The following EP400 variants were observed in gnomAD, a reference collection of about 807,000 sequenced individuals.
EP400 encodes E1A-binding protein p400.
EP400 carries 105 observed loss-of-function variants against 354.1 expected under a neutral mutation model. The ratio of observed to expected loss-of-function variants is 0.30; its 90% CI spans 0.25 to 0.35. The LOEUF (loss-of-function observed/expected upper bound fraction) is 0.35. Among genes scored for constraint, EP400 ranks in the 10% least tolerant of loss-of-function variants. The probability of loss-of-function intolerance (pLI) is 1.00; values close to 1 mark genes in which losing one functional copy is unlikely to be tolerated. For synonymous variants in EP400, 1,646 were observed against 1,716.9 expected (o/e 0.96, Z 1.02); for missense variants, 3,280 against 4,121.0 (o/e 0.80, Z 5.59).
intron 2 of EP400, among the ~76,000 whole-genome samples, chr12:131,968,775 C>T (rs1892187541): frequency 6.6e-6 from 1 of 151,966 alleles, no homozygotes; most frequent in Non-Finnish European, 1.5e-5. Flanking sequence ...TTCAGCATAC[C>T]ATATATTTTC....
At chr12:131,977,593 GCA>G (rs150147897) in intron 2 of EP400, among the ~76,000 whole-genome samples, 1 of 151,450 alleles carries the variant, frequency 6.6e-6, no homozygotes, top group Non-Finnish European at 1.5e-5. Flanking sequence ...ATTTAGAAAC[GCA>G]CACACACACA....
At chr12:131,989,357 C>T (rs555769788) in intron 7 of EP400, among the ~76,000 whole-genome samples, 3 of 152,174 alleles carry the variant, frequency 2.0e-5, no homozygotes, top group Non-Finnish European at 4.4e-5. Context: ...CGTTGGAGGC[C>T]GAGTGGGAAC....
Position 131,994,841 on chromosome 12 carries a change from G to C in EP400, c.2738-26G>C, listed in dbSNP as rs765087060. The C allele has an allele frequency of 1.2e-6, 2 of 1,608,664 alleles. No homozygotes were observed. The highest frequency in any genetic ancestry group is 1.1e-5 in the South Asian group (1 of 90,828). ...GACACTCAAGTGGTGTTGCCTCTCA[G>C]TGACACTTGCTGATAACCATTTTAG... is the stretch of plus-strand genomic sequence containing the variant. On this transcript the variant is annotated intron_variant, in intron 11 of 52. Transcript: ENST00000389561. The surrounding 1 kb of genome is among the most constrained non-coding windows in gnomAD (Gnocchi z 4.6).
intron 47 of EP400, 90 bp from the exon 48 acceptor site, chr12:132,064,578 G>T: frequency 6.6e-7 from 1 of 1,506,176 alleles, no homozygotes. Context: ...TATTTAATGG[G>T]CAGTAGAGGG....
At chr12:131,999,740 C>G (rs1362662139) in intron 12 of EP400, among the ~76,000 whole-genome samples, 1 of 152,160 alleles carries the variant, frequency 6.6e-6, no homozygotes, top group Non-Finnish European at 1.5e-5. Context: ...GCCTGGCCCT[C>G]ATACATTAAA....
chr12:131,965,442 CAGT>C (rs2136470831), intron 2 of EP400, among the ~76,000 whole-genome samples: 1 of 152,296 alleles, frequency 6.6e-6, no homozygotes, highest in East Asian at 1.9e-4. Context: ...TTATTAGAAT[CAGT>C]AGGCTGTAAT....
At position 132,073,459 on chromosome 12, in the gene EP400, C is replaced by CTTTTTTTTT. The variant is rs58724167; in HGVS notation, c.9022-3051_9022-3043dup. 1.9e-3 allele frequency among the ~76,000 whole-genome samples: 219 copies of CTTTTTTTTT among 117,668 alleles called. 15 individuals are homozygous for CTTTTTTTTT. The highest frequency in any genetic ancestry group is 5.3e-3 in the African/African-American group (121 of 22,630). 77.2% of individuals were successfully genotyped at this position (117,668 alleles called of 152,430 possible). A position where few individuals can be genotyped will look rare whatever the true frequency, so the allele number is the denominator to read the frequency against. On this transcript the variant is annotated intron_variant, in intron 51 of 52. Coordinates refer to ENST00000389561, the MANE Select transcript of EP400 (RefSeq NM_015409.5). ...GTGCGTTTTAATTCTGTCCCTTTTC[C>CTTTTTTTTT]TTTTTTTTTTTTTTGACACAGTCTT... is the stretch of plus-strand genomic sequence containing the variant.
chr12:132,066,917 C>T lies in EP400; in HGVS notation c.8697C>T (p.Pro2899=). The T allele has an allele frequency of 6.2e-7, 1 of 1,611,088 alleles. No individual in the cohort carries two copies. Among genetic ancestry groups the T allele is most frequent in the Non-Finnish European group, 8.5e-7 (1 of 1,178,862 alleles). The change falls in exon 49 of 53, where the codon CCC becomes CCT. Residue 2899 remains proline (P), a synonymous_variant. Transcript: ENST00000389561. ...VVSSPGVTTL[P]MNVAGISVAI... is the part of the protein sequence containing the mutation. Reference sequence around the variant, plus strand: ...CCTCACCGGGAGTCACCACCCTGCCCATGAACGTCGCGGGGATCAGCGTGG... The same window carrying T: ...CCTCACCGGGAGTCACCACCCTGCCTATGAACGTCGCGGGGATCAGCGTGG...
In EP400 at chr12:132,059,129, C is replaced by T. The variant is rs572554330; in HGVS notation, c.7885-2981C>T. On this transcript the variant is annotated intron_variant, in intron 45 of 52. Transcript: ENST00000389561. ...GAAACTCAGAGAAAGAAATAGGATT[C>T]ACTGAAGTCATGTTTGCCTTGAAAA... 4.6e-5 allele frequency among the ~76,000 whole-genome samples: 7 copies of T among 152,284 alleles called. No homozygotes were observed. In the East Asian group the frequency reaches 1.3e-3, roughly 29 times the overall value.
At chr12:132,034,014 C>T (rs1218969335) in intron 30 of EP400, among the ~76,000 whole-genome samples, 2 of 152,254 alleles carry the variant, frequency 1.3e-5, no homozygotes, top group African/African-American at 4.8e-5. Flanking sequence ...AGTTGCACAT[C>T]TTCCCAGACA....
chr12:131,974,099 C>T (rs1705606989), intron 2 of EP400, among the ~76,000 whole-genome samples: 1 of 151,892 alleles, frequency 6.6e-6, no homozygotes, highest in African/African-American at 2.4e-5. Context: ...CCACCTCAGC[C>T]TCCCGAGTAG....
chr12:131,988,872 C>T (rs1424873476), intron 7 of EP400, among the ~76,000 whole-genome samples: 1 of 152,180 alleles, frequency 6.6e-6, no homozygotes, highest in East Asian at 1.9e-4. Flanking sequence ...ACTCCGTACC[C>T]AGAATTTTCC....
At chr12:131,963,022 A>G (rs1051955409) in intron 2 of EP400, among the ~76,000 whole-genome samples, 2 of 152,186 alleles carry the variant, frequency 1.3e-5, no homozygotes, top group Admixed American at 6.5e-5. Flanking sequence ...ACAGGTTTAT[A>G]TGATTATTTT....
chr12:132,017,395 A>T lies in EP400; in HGVS notation c.3924-140A>T, dbSNP rs1308829865. 2.5e-6 allele frequency: 2 copies of T among 792,032 alleles called. No homozygotes were observed. Among genetic ancestry groups the T allele is most frequent in the Non-Finnish European group, 4.0e-6 (2 of 505,174 alleles). The allele number at this position is 792,032 out of a possible 1,614,324, so 49.1% of individuals were successfully genotyped here. On this transcript the variant is annotated intron_variant, in intron 19 of 52. Coordinates refer to ENST00000389561, the MANE Select transcript of EP400 (RefSeq NM_015409.5). This position sits in a 1 kb window ranked among gnomAD's most constrained non-coding sequence, Gnocchi z 5.0. ...GCCTGGGATGTGGACTTGAATGGCC[A>T]CTCTGTCTAACTCATTAAGCGGACC...
intron 1 of EP400, among the ~76,000 whole-genome samples, chr12:131,953,599 C>A (rs1346412681): frequency 6.6e-6 from 1 of 152,150 alleles, no homozygotes; most frequent in South Asian, 2.1e-4. Context: ...TTCAGTTTAG[C>A]CCACTTGGTA....
intron 36 of EP400, 25 bp from the exon 37 acceptor site, chr12:132,044,775 C>A: frequency 6.2e-7 from 1 of 1,614,132 alleles, no homozygotes; most frequent in Non-Finnish European, 8.5e-7. Flanking sequence ...TTCCACATCT[C>A]ATGGGCCTTC....
intron 4 of EP400, among the ~76,000 whole-genome samples, chr12:131,981,852 C>T (rs927651521): frequency 6.6e-6 from 1 of 152,198 alleles, no homozygotes; most frequent in Non-Finnish European, 1.5e-5. Flanking sequence ...TATGTTTTTC[C>T]TAATTGCTGC....
At chr12:131,955,799 C>T (rs1355174765) in intron 1 of EP400, among the ~76,000 whole-genome samples, 1 of 151,988 alleles carries the variant, frequency 6.6e-6, no homozygotes, top group Non-Finnish European at 1.5e-5. Context: ...AACATGCAAC[C>T]ATGCCCAGCT....
chr12:131,971,751 G>A (rs971977022), intron 2 of EP400, among the ~76,000 whole-genome samples: 5 of 151,706 alleles, frequency 3.3e-5, no homozygotes, highest in African/African-American at 1.2e-4. Context: ...TATTTCTTAA[G>A]GCATGTGATG....
Sources: gnomAD v4.1 joint callset for allele counts (sites outside exome capture counted in the v4.1 genomes callset) on GRCh38, gnomAD v4.1.1 for gene constraint, Gnocchi (gnomAD v3.1) non-coding constraint, MANE v1.5 for transcripts, NCBI Gene and HGNC (gene_info 2026-07-23, HGNC 2026-07-21) for gene names.